Variants in XKR6 observed in about 807,000 individuals in gnomAD.
The protein encoded by XKR6 is XK-related protein 6.
Under a neutral mutation model 56.7 loss-of-function variants are expected in XKR6, and 22 were observed. That is an observed-to-expected ratio of 0.39 (90% CI 0.28 to 0.55). XKR6 has a LOEUF of 0.55. XKR6 is among the 20% of genes least tolerant of loss of function. XKR6 has a pLI of 0.66. For missense variants in XKR6, 852 were observed against 889.0 expected, an observed-to-expected ratio of 0.96 and a Z score of 0.53; for synonymous variants, 524 against 387.8, an observed-to-expected ratio of 1.35 and a Z score of -4.13.
intron 1 of XKR6, among the ~76,000 whole-genome samples, chr8:11,125,516 G>C (rs970596603): frequency 1.9e-4 from 29 of 152,132 alleles, no homozygotes; most frequent in African/African-American, 7.0e-4. Context: ...GTGAAGTTTT[G>C]TTGCAGGGCC....
intron 1 of XKR6, among the ~76,000 whole-genome samples, chr8:10,929,273 C>G (rs567343149): frequency 6.6e-6 from 1 of 152,246 alleles, no homozygotes; most frequent in Non-Finnish European, 1.5e-5. Flanking sequence ...CTCATTTAAT[C>G]CTCACAACAC....
intron 1 of XKR6, among the ~76,000 whole-genome samples, chr8:11,168,525 C>T (rs570415598): frequency 4.1e-4 from 62 of 152,162 alleles, no homozygotes; most frequent in Non-Finnish European, 7.5e-4. Flanking sequence ...AGAATTTGTA[C>T]AACACATAAA....
chr8:11,122,310 C>T (rs773391486), intron 1 of XKR6, among the ~76,000 whole-genome samples: 20 of 152,252 alleles, frequency 1.3e-4, no homozygotes, highest in Non-Finnish European at 1.9e-4. Context: ...GAATGTGCTA[C>T]AAAACTATTA....
Position 10,981,152 on chromosome 8 carries a change from G to A in XKR6, c.765-56322C>T, listed in dbSNP as rs115751431. On this transcript the variant is annotated intron_variant, in intron 1 of 2. Coordinates refer to ENST00000416569, the MANE Select transcript of XKR6 (RefSeq NM_173683.4). ...AGGCCCAGACAACAGATTAATGCTA[G>A]TGAGCAAAGGAACAGCTCTTGCAAT... Among the ~76,000 whole-genome samples, 646 of 152,312 alleles carry A rather than the reference G, an allele frequency of 4.2e-3. 8 individuals carry two copies. The highest frequency in any genetic ancestry group is 0.015 in the African/African-American group (623 of 41,568).
In XKR6 at chr8:11,200,152, G is replaced by A. The variant is rs1205663727; in HGVS notation, c.764+424C>T. ...AGAGGGAGAACGGGGGAAGAGGGGA[G>A]GATGTCTCACCTGGGAACAAACCCG... On this transcript the variant is annotated intron_variant, in intron 1 of 2. Transcript: ENST00000416569. This position sits in a 1 kb window ranked among gnomAD's most constrained non-coding sequence, Gnocchi z 6.4. Among the ~76,000 whole-genome samples the A allele has an allele frequency of 7.2e-5, 11 of 152,192 alleles. No homozygotes were observed. The highest frequency in any genetic ancestry group is 1.6e-4 in the Non-Finnish European group (11 of 68,032).
At chr8:11,199,738 C>CACGGGAAATTTACAAA (rs1804095445) in intron 1 of XKR6, among the ~76,000 whole-genome samples, 1 of 152,154 alleles carries the variant, frequency 6.6e-6, no homozygotes, top group Non-Finnish European at 1.5e-5. Context: ...TGAACTGGGA[C>CACGGGAAATTTACAAA]ACGGGAAATT....
chr8:11,032,058 G>A (rs1424455266), intron 1 of XKR6, among the ~76,000 whole-genome samples: 1 of 152,172 alleles, frequency 6.6e-6, no homozygotes, highest in Non-Finnish European at 1.5e-5. Flanking sequence ...CTCCCCCGTG[G>A]GGCAGGCAAC....
intron 1 of XKR6, among the ~76,000 whole-genome samples, chr8:11,150,086 A>C (rs571010738): frequency 6.6e-6 from 1 of 152,160 alleles, no homozygotes; most frequent in Non-Finnish European, 1.5e-5. Flanking sequence ...GGTGGGGGAG[A>C]GGGCTGGTCA....
intron 1 of XKR6, among the ~76,000 whole-genome samples, chr8:11,090,185 A>T (rs778648303): frequency 2.6e-5 from 4 of 152,172 alleles, no homozygotes; most frequent in African/African-American, 7.2e-5. Context: ...CCTGGGCTCA[A>T]GCGATCCTCC....
At chr8:11,099,455 G>A (rs1798385193) in intron 1 of XKR6, among the ~76,000 whole-genome samples, 1 of 152,236 alleles carries the variant, frequency 6.6e-6, no homozygotes, top group South Asian at 2.1e-4. Flanking sequence ...GGAGAGAAGG[G>A]GCTGGAGGCA....
chr8:11,115,409 C>A (rs1799124014), intron 1 of XKR6, among the ~76,000 whole-genome samples: 1 of 152,054 alleles, frequency 6.6e-6, no homozygotes, highest in Non-Finnish European at 1.5e-5. Flanking sequence ...ATTTAAAATT[C>A]AGAAATCCTG....
At chr8:11,005,182 G>A (rs1020163248) in intron 1 of XKR6, among the ~76,000 whole-genome samples, 9 of 151,852 alleles carry the variant, frequency 5.9e-5, no homozygotes, top group African/African-American at 2.2e-4. Flanking sequence ...ACAAAGGGAT[G>A]ATTCACATCC....
chr8:11,100,687 T>C (rs1798435743), intron 1 of XKR6, among the ~76,000 whole-genome samples: 1 of 152,236 alleles, frequency 6.6e-6, no homozygotes, highest in Non-Finnish European at 1.5e-5. Flanking sequence ...TGTATGATTC[T>C]CATCTTCTCA....
chr8:11,176,907 G>A (rs970895256), intron 1 of XKR6, among the ~76,000 whole-genome samples: 2 of 152,186 alleles, frequency 1.3e-5, no homozygotes, highest in African/African-American at 4.8e-5. Context: ...ATCCAGCAGT[G>A]CCACTGACAA....
intron 2 of XKR6, among the ~76,000 whole-genome samples, chr8:10,899,496 C>T (rs1799977383): frequency 6.6e-6 from 1 of 152,350 alleles, no homozygotes; most frequent in South Asian, 2.1e-4. Flanking sequence ...CCTGACCTGC[C>T]ACCCAAGGCC....
intron 1 of XKR6, among the ~76,000 whole-genome samples, chr8:10,943,345 C>G (rs1801442189): frequency 6.6e-6 from 1 of 152,198 alleles, no homozygotes; most frequent in Non-Finnish European, 1.5e-5. Context: ...ATTAACTAAC[C>G]TGGGTGGCCT....
intron 1 of XKR6, among the ~76,000 whole-genome samples, chr8:11,025,207 C>T (rs1798833684): frequency 6.6e-6 from 1 of 152,228 alleles, no homozygotes; most frequent in Non-Finnish European, 1.5e-5. Context: ...ACACACCCAT[C>T]CACAGGAACC....
chr8:10,910,567 C>T (rs1272925150), intron 2 of XKR6, among the ~76,000 whole-genome samples: 1 of 152,202 alleles, frequency 6.6e-6, no homozygotes, highest in East Asian at 1.9e-4. Flanking sequence ...ATGTGAGAAA[C>T]ACCACTGTGG....
intron 1 of XKR6, among the ~76,000 whole-genome samples, chr8:11,017,678 G>A (rs935282384): frequency 2.6e-5 from 4 of 152,214 alleles, no homozygotes; most frequent in Non-Finnish European, 4.4e-5. Context: ...CTGGGAGAGG[G>A]CAGGGAGGGG....
Sources: gnomAD v4.1 joint callset for allele counts (sites outside exome capture counted in the v4.1 genomes callset) on GRCh38, gnomAD v4.1.1 for gene constraint, Gnocchi (gnomAD v3.1) non-coding constraint, MANE v1.5 for transcripts, NCBI Gene and HGNC (gene_info 2026-07-23, HGNC 2026-07-21) for gene names.